Variants in NPEPPS observed in about 807,000 individuals in gnomAD.
NPEPPS encodes the protein puromycin-sensitive aminopeptidase.
In NPEPPS, 14 loss-of-function variants were observed where a neutral mutation model predicts 115.5. The observed-to-expected ratio is 0.12, with a 90% CI of 0.08 to 0.19. The LOEUF (loss-of-function observed/expected upper bound fraction) is 0.19, where lower values mean the gene tolerates loss of function less well. NPEPPS is among the 10% of genes least tolerant of loss of function. The pLI is 1.00. For missense variants in NPEPPS, 523 were observed against 1,110.8 expected (o/e 0.47, Z 7.52); for synonymous variants, 285 against 390.6 (o/e 0.73, Z 3.19).
At chr17:47,583,774 T>A (rs1912026208) in intron 5 of NPEPPS, among the ~76,000 whole-genome samples, 1 of 151,786 alleles carries the variant, frequency 6.6e-6, no homozygotes, top group South Asian at 2.1e-4. Context: ...ACTTAAAAGT[T>A]AGCCAGGTAT....
chr17:47,592,371 A>G, intron 11 of NPEPPS, 114 bp from the exon 12 acceptor site: 2 of 893,464 alleles, frequency 2.2e-6, no homozygotes, highest in East Asian at 2.7e-5. Flanking sequence ...TATGTGTTTC[A>G]GTGTATCTGA....
intron 12 of NPEPPS, among the ~76,000 whole-genome samples, chr17:47,593,692 A>G (rs1265094884): frequency 6.6e-6 from 1 of 152,248 alleles, no homozygotes; most frequent in African/African-American, 2.4e-5. Flanking sequence ...CCTACACAGT[A>G]TGTCCTAGGC....
intron 2 of NPEPPS, chr17:47,559,535 A>G (rs1200361552): frequency 5.1e-6 from 2 of 389,040 alleles, no homozygotes; most frequent in Non-Finnish European, 9.9e-6. Context: ...AGGTATATGA[A>G]TAGTTTGCTA....
intron 1 of NPEPPS, among the ~76,000 whole-genome samples, chr17:47,535,832 C>CTTTTTT (rs553790964): frequency 8.9e-5 from 9 of 101,000 alleles, no homozygotes; most frequent in African/African-American, 2.1e-4. Flanking sequence ...ATTGGGTATT[C>CTTTTTT]TTTTTTTTTT....
chr17:47,597,178 A>C (rs997728434), intron 13 of NPEPPS, among the ~76,000 whole-genome samples: 1 of 151,324 alleles, frequency 6.6e-6, no homozygotes, highest in African/African-American at 2.4e-5. Flanking sequence ...TATAATATCA[A>C]TTGTGTAAAG....
At chr17:47,575,333 T>C (rs1317947270) in intron 3 of NPEPPS, among the ~76,000 whole-genome samples, 2 of 152,048 alleles carry the variant, frequency 1.3e-5, no homozygotes. Flanking sequence ...CTGTAAATAT[T>C]GGAGGCCATT....
intron 3 of NPEPPS, among the ~76,000 whole-genome samples, chr17:47,571,935 T>G (rs1346799124): frequency 6.6e-6 from 1 of 152,082 alleles, no homozygotes; most frequent in African/African-American, 2.4e-5. Flanking sequence ...ATTTCTTTCT[T>G]TTTTACACAT....
intron 18 of NPEPPS, 35 bp from the exon 19 acceptor site, chr17:47,613,634 A>G: frequency 1.3e-6 from 2 of 1,522,286 alleles, no homozygotes; most frequent in Non-Finnish European, 1.8e-6. Flanking sequence ...AACAAGGTAC[A>G]TTTAATCAAA....
At chr17:47,594,826 G>T (rs1597872923) in intron 12 of NPEPPS, among the ~76,000 whole-genome samples, 1 of 151,948 alleles carries the variant, frequency 6.6e-6, no homozygotes, top group East Asian at 1.9e-4. Flanking sequence ...TAGAGACAGG[G>T]TTTCACTGTG....
intron 2 of NPEPPS, among the ~76,000 whole-genome samples, chr17:47,554,044 C>CT (rs113155660): frequency 2.9e-4 from 42 of 144,766 alleles, no homozygotes; most frequent in East Asian, 4.1e-4. Context: ...GCCACAGTAT[C>CT]TTTTTTTTTT....
In NPEPPS at chr17:47,622,683, C is replaced by A; in HGVS notation, c.*763C>A. The A allele has an allele frequency of 2.9e-6, 1 of 349,988 alleles. No individual in the cohort carries two copies. The highest frequency in any genetic ancestry group is 4.5e-5 in the Admixed American group (1 of 22,150). 21.7% of individuals were successfully genotyped at this position (349,988 alleles called of 1,614,324 possible). A position where few individuals can be genotyped will look rare whatever the true frequency, so the allele number is the denominator to read the frequency against. ...AATAATAAGGAAACATCTTTCATAG[C>A]CACATTAAATAAGAGAAACTGATAT... is the stretch of plus-strand genomic sequence containing the variant. On this transcript the variant is annotated 3_prime_UTR_variant, in exon 23 of 23. Transcript: ENST00000322157.
rs560268495 is a variant in NPEPPS at position 47,570,631 on chromosome 17, G to A, written c.418+1137G>A. 4.5e-4 allele frequency among the ~76,000 whole-genome samples: 68 copies of A among 152,346 alleles called. 3 individuals are homozygous for A. In the South Asian group the frequency reaches 0.014, roughly 31 times the overall value. The stretch of plus-strand genomic sequence containing the variant: ...AATAGACTTTCTGAGCTTAGTGTAT[G>A]TGGAAGAAATTATATACAAATCAAT... On this transcript the variant is annotated intron_variant, in intron 3 of 22. Transcript: ENST00000322157.
chr17:47,600,706 CTT>C (rs575547897), intron 14 of NPEPPS, among the ~76,000 whole-genome samples: 36 of 152,236 alleles, frequency 2.4e-4, no homozygotes, highest in African/African-American at 8.4e-4. Flanking sequence ...GGCAAGGACT[CTT>C]TTTTTGTTTG....
At chr17:47,584,996 G>A (rs913821733) in intron 5 of NPEPPS, among the ~76,000 whole-genome samples, 4 of 151,806 alleles carry the variant, frequency 2.6e-5, no homozygotes, top group Non-Finnish European at 4.4e-5. Context: ...CCTGGCTAAT[G>A]TTTTGTATTT....
intron 1 of NPEPPS, among the ~76,000 whole-genome samples, chr17:47,544,609 C>T (rs1418051538): frequency 6.6e-6 from 1 of 150,952 alleles, no homozygotes; most frequent in Non-Finnish European, 1.5e-5. Context: ...TTTCAGCCCA[C>T]TGCAATCTCT....
At chr17:47,576,974 TATA>T (rs1911558732) in intron 3 of NPEPPS, 1 of 285,590 alleles carries the variant, frequency 3.5e-6, no homozygotes, top group Non-Finnish European at 7.0e-6. Context: ...ATTGGTATCA[TATA>T]ATGTGACACT....
At chr17:47,615,028 C>T (rs1169846920) in intron 19 of NPEPPS, among the ~76,000 whole-genome samples, 1 of 150,480 alleles carries the variant, frequency 6.6e-6, no homozygotes, top group East Asian at 1.9e-4. Flanking sequence ...AACTGTACCT[C>T]AAAATGTACT....
At chr17:47,543,306 T>TA (rs1365101328) in intron 1 of NPEPPS, among the ~76,000 whole-genome samples, 32 of 120,938 alleles carry the variant, frequency 2.6e-4, no homozygotes, top group African/African-American at 4.1e-4. Context: ...GGACTATCAG[T>TA]AAAAAAATTT....
intron 1 of NPEPPS, among the ~76,000 whole-genome samples, chr17:47,535,549 C>CAAA (rs1002859470): frequency 1.1e-5 from 1 of 88,942 alleles, no homozygotes; most frequent in African/African-American, 4.5e-5. Context: ...GGCTCCGTCT[C>CAAA]AAAAAAAAAA....
Sources: allele counts gnomAD v4.1 joint callset (sites outside exome capture counted in the v4.1 genomes callset), GRCh38; gene constraint gnomAD v4.1.1; transcripts MANE v1.5; gene names NCBI Gene and HGNC (gene_info 2026-07-23, HGNC 2026-07-21).